SH2D3C: variants seen among roughly 807,000 people sequenced by gnomAD.
SH2D3C encodes the protein SH2 domain containing 3C.
A neutral mutation model predicts 75.2 loss-of-function variants in SH2D3C; 25 were observed. The observed-to-expected ratio is 0.33, with a 90% CI of 0.24 to 0.46. SH2D3C has a LOEUF of 0.46. Among genes scored for constraint, SH2D3C ranks in the 20% least tolerant of loss-of-function variants. The pLI, the probability that SH2D3C is intolerant of heterozygous loss-of-function variation, is 1.00. For missense variants in SH2D3C, 933 were observed against 1,165.3 expected, an observed-to-expected ratio of 0.80 and a Z score of 2.90; for synonymous variants, 450 against 473.7, an observed-to-expected ratio of 0.95 and a Z score of 0.65.
chr9:127,742,784 C>A (rs960286239), intron 8 of SH2D3C, 65 bp downstream of exon 8: 14 of 1,307,476 alleles, frequency 1.1e-5, no homozygotes, highest in Admixed American at 2.1e-5. Context: ...CAACCCGCCC[C>A]GTCCAGCGGG....
chr9:127,753,311 G>A (rs1045452604), intron 3 of SH2D3C, among the ~76,000 whole-genome samples: 6 of 152,062 alleles, frequency 3.9e-5, no homozygotes, highest in African/African-American at 4.8e-5. Flanking sequence ...GGAGCAGGGC[G>A]GAGGGGTCAG....
Position 127,745,043 on chromosome 9 carries a change from G to A in SH2D3C, c.1321C>T (p.Pro441Ser). 6.6e-7 allele frequency: 1 copy of A among 1,512,116 alleles called. No individual in the cohort carries two copies. Among genetic ancestry groups the A allele is most frequent in the Non-Finnish European group, 8.8e-7 (1 of 1,131,136 alleles). The allele number at this position is 1,512,116 out of a possible 1,614,324, so 93.7% of individuals were successfully genotyped here. ...APSATALPAS[P>S]VARRSSEPQL... Reference sequence around the variant, plus strand: ...GGCTCACTGGAACGGCGGGCGACAGGGGAGGCAGGCAATGCTGTGGCAGAA... The same window carrying A: ...GGCTCACTGGAACGGCGGGCGACAGAGGAGGCAGGCAATGCTGTGGCAGAA... Residue 441 changes from proline (P) to serine (S), a missense_variant, in exon 7 of 12, where the codon CCT becomes TCT. Pro to Ser is a moderately conservative substitution (Grantham distance 74, BLOSUM62 -1). Transcript: ENST00000314830.
rs1844905359 is a variant in SH2D3C, at chr9:127,742,829, G to A, written c.1916+20C>T. ...AGCCGGGGGTTCCCCGCGAGTCCCC[G>A]GGTGCCGGCGCTGTCTCACCTTTCC... On this transcript the variant is annotated intron_variant, in intron 8 of 11. Coordinates refer to ENST00000314830, the MANE Select transcript of SH2D3C (RefSeq NM_170600.3). 1.9e-6 allele frequency: 3 copies of A among 1,591,438 alleles called. No homozygotes were observed. The highest frequency in any genetic ancestry group is 1.7e-5 in the Admixed American group (1 of 58,750).
At position 127,739,704 on chromosome 9, in the gene SH2D3C, G is replaced by A; in HGVS notation, c.2385C>T (p.Thr795=). The A allele has an allele frequency of 6.2e-7, 1 of 1,609,540 alleles. No individual in the cohort carries two copies. The change falls in exon 11 of 12, where the codon ACC becomes ACT. Residue 795 remains threonine, a synonymous_variant. Transcript: ENST00000314830. The surrounding 1 kb of genome is among the most constrained non-coding windows in gnomAD (Gnocchi z 4.3). ...CACCCTGCAGCTTGACTTCAGCATT[G>A]GTGTGGTACAGGCCTCCGTGGTGTG... is the stretch of plus-strand genomic sequence containing the variant. ...TVAHHGGLYH[T]NAEVKLQGFQ...
intron 1 of SH2D3C, among the ~76,000 whole-genome samples, chr9:127,776,499 C>T (rs73612163): frequency 0.034 from 5,211 of 152,200 alleles, 301 homozygotes; most frequent in African/African-American, 0.12. Flanking sequence ...CTGGTTTCTG[C>T]GGGGGTGTAT....
intron 6 of SH2D3C, among the ~76,000 whole-genome samples, chr9:127,745,715 C>T (rs1182546698): frequency 6.6e-6 from 1 of 151,938 alleles, no homozygotes; most frequent in Admixed American, 6.6e-5. Context: ...CTGCAACCCC[C>T]GCCTCCCAGG....
At position 127,738,991 on chromosome 9, in the gene SH2D3C, A is replaced by AC; in HGVS notation, c.2408-71dup. 4 of 1,391,050 alleles carry AC rather than the reference A, an allele frequency of 2.9e-6. No individual in the cohort carries two copies. Among genetic ancestry groups the AC allele is most frequent in the South Asian group, 1.6e-5 (1 of 63,140 alleles). The allele number at this position is 1,391,050 out of a possible 1,614,324, so 86.2% of individuals were successfully genotyped here. The stretch of plus-strand genomic sequence containing the variant: ...GTCCAGAGCCCTAGCATTCTTCAGG[A>AC]CCCCCCTGTTAGGGACCTCCCCTCA... On this transcript the variant is annotated intron_variant, in intron 11 of 11. Coordinates refer to ENST00000314830, the MANE Select transcript of SH2D3C (RefSeq NM_170600.3). This position sits in a 1 kb window ranked among gnomAD's most constrained non-coding sequence, Gnocchi z 5.0.
chr9:127,771,516 C>T (rs1274120126), intron 2 of SH2D3C: 11 of 513,788 alleles, frequency 2.1e-5, no homozygotes, highest in Non-Finnish European at 3.1e-5. Flanking sequence ...CCCCCTAGCA[C>T]ACCCCTCCGC....
At chr9:127,750,439 G>C (rs992037822) in intron 4 of SH2D3C, among the ~76,000 whole-genome samples, 6 of 152,134 alleles carry the variant, frequency 3.9e-5, no homozygotes, top group African/African-American at 1.4e-4. Context: ...ACAGGCATGA[G>C]CCATCGCACC....
At chr9:127,742,742 C>A (rs978597149) in intron 8 of SH2D3C, 107 bp downstream of exon 8, 9 of 741,620 alleles carry the variant, frequency 1.2e-5, no homozygotes, top group Non-Finnish European at 2.0e-5. Context: ...TGGCCAGAGC[C>A]CCCTGGGAGC....
rs545640681 is a variant in SH2D3C at position 127,770,576 on chromosome 9, G to C, written c.515+3414C>G. Among the ~76,000 whole-genome samples, 452 of 152,270 alleles carry C rather than the reference G, an allele frequency of 3.0e-3. 2 individuals are homozygous for C. The highest frequency in any genetic ancestry group is 0.011 in the African/African-American group (440 of 41,536). Reference sequence around the variant, plus strand: ...TGGAAGGAATGTTCAACAGTCCCTGGAGGGCAGATGGAGCACTGGGTCCCG... The same window carrying C: ...TGGAAGGAATGTTCAACAGTCCCTGCAGGGCAGATGGAGCACTGGGTCCCG... On this transcript the variant is annotated intron_variant, in intron 2 of 11. Transcript: ENST00000314830.
At chr9:127,744,021 C>G (rs1393449789) in intron 7 of SH2D3C, among the ~76,000 whole-genome samples, 1 of 151,720 alleles carries the variant, frequency 6.6e-6, no homozygotes, top group African/African-American at 2.4e-5. Context: ...TCAGGGCTGC[C>G]CAGTTTTAGT....
rs1437777105 is a variant in SH2D3C, at chr9:127,749,397, G to A, written c.953C>T (p.Pro318Leu). 1 of 1,614,116 alleles carries A rather than the reference G, an allele frequency of 6.2e-7. No individual in the cohort carries two copies. Among genetic ancestry groups the A allele is most frequent in the Non-Finnish European group, 8.5e-7 (1 of 1,180,042 alleles). Residue 318 changes from proline to leucine, a missense_variant, in exon 5 of 12, where the codon CCG (proline) becomes CTG (leucine). Transcript: ENST00000314830. This position sits in a 1 kb window ranked among gnomAD's most constrained non-coding sequence, Gnocchi z 5.9. ...GCGCAGTGGGAAGGTGCGGTTCACCGGGCAGTAGATGATGGCACCACTCTG... is the reference window on the plus strand; with the variant it reads ...GCGCAGTGGGAAGGTGCGGTTCACCAGGCAGTAGATGATGGCACCACTCTG... ...SEQSGAIIYC[P>L]VNRTFPLRYL...
chr9:127,766,689 C>T (rs867130800), intron 2 of SH2D3C, among the ~76,000 whole-genome samples: 1 of 152,210 alleles, frequency 6.6e-6, no homozygotes, highest in African/African-American at 2.4e-5. Context: ...CTTGCCTCAG[C>T]CTCCTGAGTA....
At chr9:127,745,825 C>T (rs1845014753) in intron 6 of SH2D3C, among the ~76,000 whole-genome samples, 1 of 152,126 alleles carries the variant, frequency 6.6e-6, no homozygotes, top group South Asian at 2.1e-4. Flanking sequence ...GTTGCTAAAC[C>T]TTGTGTGCTA....
intron 2 of SH2D3C, among the ~76,000 whole-genome samples, chr9:127,771,943 C>T (rs1478641666): frequency 1.3e-5 from 2 of 152,216 alleles, no homozygotes; most frequent in Non-Finnish European, 2.9e-5. Context: ...ATCCTCACCA[C>T]AACCCGACCA....
chr9:127,765,860 A>C (rs1201607852), intron 2 of SH2D3C, among the ~76,000 whole-genome samples: 1 of 152,246 alleles, frequency 6.6e-6, no homozygotes, highest in Non-Finnish European at 1.5e-5. Flanking sequence ...TGGTGAAATC[A>C]ATTAATAAAT....
At chr9:127,767,109 C>T (rs1214641499) in intron 2 of SH2D3C, 2 of 1,535,982 alleles carry the variant, frequency 1.3e-6, no homozygotes, top group Middle Eastern at 1.7e-4. Context: ...TCTGCTCCCT[C>T]TCCACCGTCT....
In SH2D3C at chr9:127,740,314, G is replaced by A. The variant is rs1217985916; in HGVS notation, c.2144C>T (p.Ala715Val). ...VTLRQRHTEG[A>V]ILYEKKLKPF... ...CTTGAGCTTCTTCTCGTACAGGATG[G>A]CACCCTCTGTGTGTCGCTGCCGCAG... is the stretch of plus-strand genomic sequence containing the variant. The change falls in exon 10 of 12, where the codon GCC (alanine) becomes GTC (valine). Residue 715 changes from alanine (A) to valine (V), a missense_variant. Transcript: ENST00000314830. 1 of 1,614,142 alleles carries A rather than the reference G, an allele frequency of 6.2e-7. No individual in the cohort carries two copies. The highest frequency in any genetic ancestry group is 8.5e-7 in the Non-Finnish European group (1 of 1,180,024).
Sources: allele counts gnomAD v4.1 joint callset (sites outside exome capture counted in the v4.1 genomes callset), GRCh38; gene constraint gnomAD v4.1.1; non-coding constraint Gnocchi (gnomAD v3.1); transcripts MANE v1.5; gene names NCBI Gene and HGNC (gene_info 2026-07-23, HGNC 2026-07-21).